ST7: variants seen among roughly 807,000 people sequenced by gnomAD.
The protein encoded by ST7 is suppressor of tumorigenicity 7 protein.
Under a neutral mutation model 78.7 loss-of-function variants are expected in ST7, and 28 were observed. The observed-to-expected ratio is 0.36, with a 90% CI of 0.26 to 0.49. ST7 has a LOEUF of 0.49. ST7 is among the 20% of genes least tolerant of loss of function. The pLI, the probability that ST7 is intolerant of heterozygous loss-of-function variation, is 0.99. For synonymous variants in ST7, 247 were observed against 249.6 expected, an observed-to-expected ratio of 0.99 and a Z score of 0.10; for missense variants, 418 against 696.0, an observed-to-expected ratio of 0.60 and a Z score of 4.49.
intron 1 of ST7, among the ~76,000 whole-genome samples, chr7:117,091,797 A>G (rs1231923227): frequency 1.3e-5 from 2 of 152,164 alleles, no homozygotes; most frequent in Non-Finnish European, 2.9e-5. Context: ...CTGTGTCAGG[A>G]GTCCAGGCAT....
intron 1 of ST7, among the ~76,000 whole-genome samples, chr7:117,040,196 G>GC: frequency 6.6e-6 from 1 of 152,030 alleles, no homozygotes; most frequent in South Asian, 2.1e-4. Context: ...ACATGGTGAA[G>GC]CCCCCTCTCT....
chr7:117,138,826 T>C (rs527916187), intron 9 of ST7, among the ~76,000 whole-genome samples: 40 of 152,324 alleles, frequency 2.6e-4, no homozygotes, highest in Non-Finnish European at 2.9e-5. Flanking sequence ...TACAAGCTTC[T>C]AATAGAGTGG....
At chr7:117,003,822 T>C (rs1179770273) in intron 1 of ST7, among the ~76,000 whole-genome samples, 1 of 152,240 alleles carries the variant, frequency 6.6e-6, no homozygotes, top group Non-Finnish European at 1.5e-5. Context: ...AAAGGACAAC[T>C]TTTGAATGAG....
intron 1 of ST7, among the ~76,000 whole-genome samples, chr7:116,993,289 C>T (rs947790306): frequency 6.6e-6 from 1 of 152,176 alleles, no homozygotes; most frequent in Non-Finnish European, 1.5e-5. Context: ...ATTGGACTTA[C>T]AATTCCACAT....
At chr7:116,968,468 G>C in intron 1 of ST7, 1 of 450,560 alleles carries the variant, frequency 2.2e-6, no homozygotes. Flanking sequence ...TCAACCTTCT[G>C]ATTATTTCGA....
chr7:117,140,367 A>G (rs920452337), intron 9 of ST7, among the ~76,000 whole-genome samples: 1 of 152,128 alleles, frequency 6.6e-6, no homozygotes, highest in Non-Finnish European at 1.5e-5. Flanking sequence ...CAACTTATTA[A>G]TACCTTTTAT....
intron 1 of ST7, among the ~76,000 whole-genome samples, chr7:117,034,729 T>C (rs1272899875): frequency 6.6e-6 from 1 of 152,164 alleles, no homozygotes; most frequent in Non-Finnish European, 1.5e-5. Flanking sequence ...CTTTATGATA[T>C]TTTGATATAG....
intron 9 of ST7, among the ~76,000 whole-genome samples, chr7:117,145,975 T>C (rs887277641): frequency 6.6e-6 from 1 of 152,162 alleles, no homozygotes; most frequent in Non-Finnish European, 1.5e-5. Flanking sequence ...AGGGAGCTCC[T>C]TGTGTCCTTT....
intron 1 of ST7, among the ~76,000 whole-genome samples, chr7:116,980,312 A>G (rs543606237): frequency 2.6e-5 from 4 of 152,148 alleles, no homozygotes; most frequent in Non-Finnish European, 5.9e-5. Flanking sequence ...TGGAGGCCAG[A>G]TGAGTCATCT....
chr7:117,202,876 C>CT (rs112183680), intron 12 of ST7, among the ~76,000 whole-genome samples: 56 of 151,518 alleles, frequency 3.7e-4, no homozygotes, highest in African/African-American at 1.2e-3. Flanking sequence ...TTTTTCCCCC[C>CT]CTCAGTATCT....
intron 9 of ST7, among the ~76,000 whole-genome samples, chr7:117,160,387 A>G (rs1005712039): frequency 2.0e-5 from 3 of 152,034 alleles, no homozygotes; most frequent in African/African-American, 7.2e-5. Flanking sequence ...AGTGGGAGCT[A>G]GGTGTTATCC....
intron 2 of ST7, among the ~76,000 whole-genome samples, chr7:117,105,049 C>G (rs1232183836): frequency 1.3e-5 from 2 of 152,006 alleles, no homozygotes; most frequent in Non-Finnish European, 2.9e-5. Context: ...TACATGATTA[C>G]TAGGGAGAAT....
At chr7:116,980,079 C>CT (rs939761965) in intron 1 of ST7, among the ~76,000 whole-genome samples, 1 of 149,960 alleles carries the variant, frequency 6.7e-6, no homozygotes, top group Non-Finnish European at 1.5e-5. Flanking sequence ...CTGCCTCAGC[C>CT]TCCCGAGTAA....
intron 1 of ST7, among the ~76,000 whole-genome samples, chr7:117,077,329 G>T (rs1277308067): frequency 6.6e-6 from 1 of 152,184 alleles, no homozygotes; most frequent in African/African-American, 2.4e-5. Context: ...AGGTTTTTCA[G>T]CTGGAGGGTG....
At chr7:116,976,950 A>C (rs1793734323) in intron 1 of ST7, among the ~76,000 whole-genome samples, 1 of 152,200 alleles carries the variant, frequency 6.6e-6, no homozygotes, top group Admixed American at 6.5e-5. Context: ...AATACTATCT[A>C]TTCATTTTAA....
intron 1 of ST7, chr7:116,955,024 A>C: frequency 2.3e-6 from 1 of 440,010 alleles, no homozygotes; most frequent in Non-Finnish European, 4.6e-6. Context: ...AGCACTCTAG[A>C]ATTGTCTCAC....
chr7:116,979,177 G>A (rs1377500881), intron 1 of ST7, among the ~76,000 whole-genome samples: 1 of 152,162 alleles, frequency 6.6e-6, no homozygotes, highest in African/African-American at 2.4e-5. Context: ...TTAATCCCCT[G>A]TTGGGGTCTT....
intron 1 of ST7, among the ~76,000 whole-genome samples, chr7:116,989,133 A>G (rs892087917): frequency 2.4e-4 from 36 of 152,250 alleles, no homozygotes; most frequent in Admixed American, 2.1e-3. Context: ...TCAAGATATT[A>G]TCATTTCAAA....
chr7:117,156,029 A>G (rs2214167), intron 9 of ST7, among the ~76,000 whole-genome samples: 42,847 of 152,118 alleles, frequency 0.28, 7,755 homozygotes, highest in African/African-American at 0.52. Context: ...CCTGATTGCT[A>G]TATTTAAAAA....
Sources: allele counts gnomAD v4.1 joint callset (sites outside exome capture counted in the v4.1 genomes callset), GRCh38; gene constraint gnomAD v4.1.1; transcripts MANE v1.5; gene names NCBI Gene and HGNC (gene_info 2026-07-23, HGNC 2026-07-21).